Variants in TENM2 observed in about 807,000 individuals in gnomAD.
TENM2 encodes the protein teneurin-2.
Under a neutral mutation model 245.2 loss-of-function variants are expected in TENM2, and 52 were observed. That is an observed-to-expected ratio of 0.21 (90% CI 0.17 to 0.27). TENM2 has a LOEUF of 0.27. TENM2 is among the 10% of genes least tolerant of loss of function. TENM2 has a pLI of 1.00. For synonymous variants in TENM2, 1,363 were observed against 1,438.9 expected (o/e 0.95, Z 1.19); for missense variants, 3,046 against 3,666.8 (o/e 0.83, Z 4.37).
rs568377132 is a variant in TENM2 at position 168,221,893 on chromosome 5, G to A, written c.5108+2894G>A. 4.6e-5 allele frequency among the ~76,000 whole-genome samples: 7 copies of A among 152,294 alleles called. No homozygotes were observed. The East Asian group carries it at 7.7e-4, about 17-fold the overall frequency. ...ATGCTTACTGATTGACGTTGGACACGTTATTTAACCTCTCTGAGCCTCAAT... is the reference window on the plus strand; with the variant it reads ...ATGCTTACTGATTGACGTTGGACACATTATTTAACCTCTCTGAGCCTCAAT... On this transcript the variant is annotated intron_variant, in intron 23 of 28. Transcript: ENST00000518659.
the TENM2 span, among the ~76,000 whole-genome samples, chr5:167,118,946 C>T: frequency 1.3e-5 from 2 of 152,172 alleles, no homozygotes; most frequent in African/African-American, 4.8e-5. Context: ...TTGGCTAGTT[C>T]TAATAATTGG....
chr5:167,868,096 C>T (rs1772483683), intron 2 of TENM2, among the ~76,000 whole-genome samples: 2 of 152,172 alleles, frequency 1.3e-5, no homozygotes, highest in Non-Finnish European at 2.9e-5. Context: ...CGTAGTAATA[C>T]AGGATTTCTC....
At chr5:168,038,747 G>A (rs1291243723) in intron 5 of TENM2, among the ~76,000 whole-genome samples, 2 of 152,102 alleles carry the variant, frequency 1.3e-5, no homozygotes, top group Non-Finnish European at 2.9e-5. Context: ...TCTGGGATAG[G>A]GAGATCCTTC....
intron 2 of TENM2, among the ~76,000 whole-genome samples, chr5:167,785,358 T>C (rs1310674361): frequency 6.6e-6 from 1 of 152,212 alleles, no homozygotes; most frequent in East Asian, 1.9e-4. Context: ...GAAGTTTCTT[T>C]CTTCCCTTTT....
the TENM2 span, among the ~76,000 whole-genome samples, chr5:166,989,252 C>CT: frequency 0.14 from 8,211 of 56,976 alleles, 2,442 homozygotes; most frequent in African/African-American, 0.36. Context: ...CCAAGCTAAT[C>CT]TTTTTTTTTT....
chr5:168,061,234 G>C (rs1790012963), intron 6 of TENM2, among the ~76,000 whole-genome samples: 1 of 152,130 alleles, frequency 6.6e-6, no homozygotes, highest in African/African-American at 2.4e-5. Flanking sequence ...CCATTTTAGA[G>C]ATAAGGAAAA....
At chr5:167,908,819 G>C (rs990537528) in intron 3 of TENM2, among the ~76,000 whole-genome samples, 1 of 151,520 alleles carries the variant, frequency 6.6e-6, no homozygotes, top group South Asian at 2.1e-4. Flanking sequence ...AGAGTGTATT[G>C]CTTGTGTAAA....
chr5:167,545,304 A>G (rs991894875), intron 2 of TENM2, among the ~76,000 whole-genome samples: 1 of 152,196 alleles, frequency 6.6e-6, no homozygotes, highest in South Asian at 2.1e-4. Flanking sequence ...ACATATTTGT[A>G]CACAGTTTTC....
At chr5:167,008,938 A>G in the TENM2 span, among the ~76,000 whole-genome samples, 1 of 152,280 alleles carries the variant, frequency 6.6e-6, no homozygotes, top group African/African-American at 2.4e-5. Flanking sequence ...GGTCCTGCAG[A>G]ATGTCCCACT....
At chr5:167,756,624 A>C (rs574069445) in intron 2 of TENM2, among the ~76,000 whole-genome samples, 1 of 152,296 alleles carries the variant, frequency 6.6e-6, no homozygotes, top group African/African-American at 2.4e-5. Context: ...GAACAAGGAC[A>C]TGTATCCCCA....
chr5:167,398,599 C>G (rs1005860541), intron 2 of TENM2, among the ~76,000 whole-genome samples: 1 of 151,820 alleles, frequency 6.6e-6, no homozygotes, highest in Non-Finnish European at 1.5e-5. Context: ...ACCACCATGC[C>G]CAGCTAATTT....
At chr5:167,648,918 C>T (rs895563222) in intron 2 of TENM2, among the ~76,000 whole-genome samples, 1 of 152,142 alleles carries the variant, frequency 6.6e-6, no homozygotes, top group Non-Finnish European at 1.5e-5. Flanking sequence ...CGGTCTGTGG[C>T]CCCTCCCTAG....
the TENM2 span, among the ~76,000 whole-genome samples, chr5:167,056,119 T>C: frequency 6.6e-6 from 1 of 151,978 alleles, no homozygotes; most frequent in Non-Finnish European, 1.5e-5. Context: ...TTATTATAAT[T>C]GAGTGTTGGA....
intron 2 of TENM2, among the ~76,000 whole-genome samples, chr5:167,863,275 A>G (rs1771993242): frequency 6.6e-6 from 1 of 152,186 alleles, no homozygotes. Context: ...TTCCATGGCA[A>G]TATGGGCCCT....
intron 3 of TENM2, among the ~76,000 whole-genome samples, chr5:167,945,976 G>C (rs991593504): frequency 3.3e-5 from 5 of 152,182 alleles, no homozygotes; most frequent in African/African-American, 1.2e-4. Flanking sequence ...AAAAGCTGCA[G>C]CTGCAGCTTG....
the TENM2 span, among the ~76,000 whole-genome samples, chr5:167,181,466 T>TTGTGTGTGTGTGTGTGTG: frequency 1.6e-5 from 2 of 122,600 alleles, no homozygotes; most frequent in Admixed American, 8.5e-5. Context: ...AGCCGCTCGT[T>TTGTGTGTGTGTGTGTGTG]TGTGTGTGTG....
chr5:167,294,459 C>T (rs1445500221), intron 1 of TENM2, among the ~76,000 whole-genome samples: 1 of 151,992 alleles, frequency 6.6e-6, no homozygotes, highest in African/African-American at 2.4e-5. Flanking sequence ...TGCAGGTACT[C>T]AAGGAATAGG....
chr5:167,082,861 CTT>C, the TENM2 span, among the ~76,000 whole-genome samples: 2 of 151,932 alleles, frequency 1.3e-5, no homozygotes, highest in African/African-American at 4.8e-5. Flanking sequence ...TTATAATTGA[CTT>C]TTAAAATAAT....
intron 12 of TENM2, among the ~76,000 whole-genome samples, chr5:168,132,219 A>G (rs1342965759): frequency 3.3e-5 from 5 of 152,216 alleles, no homozygotes; most frequent in African/African-American, 4.8e-5. Flanking sequence ...ATAAAAGGAA[A>G]GAAAATAACG....
Sources: gnomAD v4.1 joint callset for allele counts (sites outside exome capture counted in the v4.1 genomes callset) on GRCh38, gnomAD v4.1.1 for gene constraint, MANE v1.5 for transcripts, NCBI Gene and HGNC (gene_info 2026-07-23, HGNC 2026-07-21) for gene names.